Variants in HS3ST4 observed in about 807,000 individuals in gnomAD.
The protein encoded by HS3ST4 is heparan sulfate-glucosamine 3-sulfotransferase 4.
A neutral mutation model predicts 29.2 loss-of-function variants in HS3ST4; 17 were observed. That is an observed-to-expected ratio of 0.58 (90% CI 0.40 to 0.87). HS3ST4 has a LOEUF of 0.87. Ranked by LOEUF, HS3ST4 falls within the 40% of genes least tolerant of loss-of-function variation. The pLI is 0.00. For missense variants in HS3ST4, 627 were observed against 634.5 expected (o/e 0.99, Z 0.13); for synonymous variants, 314 against 285.7 (o/e 1.10, Z -1.00).
At chr16:26,038,875 G>A (rs1460716321) in intron 1 of HS3ST4, among the ~76,000 whole-genome samples, 8 of 151,936 alleles carry the variant, frequency 5.3e-5, no homozygotes, top group African/African-American at 1.9e-4. Flanking sequence ...AGTAGAGACG[G>A]GGTTTCACTG....
At chr16:25,895,337 C>CTGGGGACGACATA (rs1968049890) in intron 1 of HS3ST4, among the ~76,000 whole-genome samples, 1 of 152,120 alleles carries the variant, frequency 6.6e-6, no homozygotes, top group African/African-American at 2.4e-5. Flanking sequence ...CAATGTAGGT[C>CTGGGGACGACATA]TGGGGACGAC....
rs377053084 is a variant in HS3ST4, at chr16:25,991,477, C to T, written c.735-144135C>T. On this transcript the variant is annotated intron_variant, in intron 1 of 1. Transcript: ENST00000331351. ...AGAGTACCATTAACCCCTGAGTTGT[C>T]ATAGTCTCTTGAGGAAATAGTGAGG... 3.3e-5 allele frequency among the ~76,000 whole-genome samples: 5 copies of T among 152,260 alleles called. No individual in the cohort carries two copies. The South Asian group carries it at 8.3e-4, about 25-fold the overall frequency.
intron 1 of HS3ST4, among the ~76,000 whole-genome samples, chr16:25,715,368 G>A (rs117241568): frequency 0.05 from 7,168 of 144,770 alleles, 197 homozygotes; most frequent in Middle Eastern, 0.06. Flanking sequence ...AAAACTCAGC[G>A]CCTTTTGTGC....
At chr16:25,840,021 G>T (rs1967397329) in intron 1 of HS3ST4, among the ~76,000 whole-genome samples, 1 of 152,184 alleles carries the variant, frequency 6.6e-6, no homozygotes, top group Admixed American at 6.5e-5. Flanking sequence ...AGTCCAGAAT[G>T]ATATGGTTGA....
chr16:25,809,960 C>T (rs1286962194), intron 1 of HS3ST4, among the ~76,000 whole-genome samples: 5 of 151,628 alleles, frequency 3.3e-5, no homozygotes, highest in Non-Finnish European at 7.4e-5. Context: ...GATTTTTTTC[C>T]TGTTTTCAAT....
chr16:26,127,351 G>GA (rs1899358453), intron 1 of HS3ST4, among the ~76,000 whole-genome samples: 1 of 152,158 alleles, frequency 6.6e-6, no homozygotes, highest in Non-Finnish European at 1.5e-5. Context: ...GATGGCTCAC[G>GA]CCAGTACTCT....
At chr16:25,795,376 C>G (rs915147458) in intron 1 of HS3ST4, among the ~76,000 whole-genome samples, 1 of 152,144 alleles carries the variant, frequency 6.6e-6, no homozygotes, top group Admixed American at 6.5e-5. Context: ...TTTGTCCAAC[C>G]CACTGCTTAA....
intron 1 of HS3ST4, among the ~76,000 whole-genome samples, chr16:26,013,574 A>C (rs948807952): frequency 1.3e-5 from 2 of 152,326 alleles, no homozygotes; most frequent in South Asian, 4.1e-4. Flanking sequence ...GACTAAGCTC[A>C]TCAATTTCAT....
chr16:26,039,645 C>T (rs1288715176), intron 1 of HS3ST4, among the ~76,000 whole-genome samples: 1 of 152,042 alleles, frequency 6.6e-6, no homozygotes, highest in African/African-American at 2.4e-5. Flanking sequence ...TTATTATTGA[C>T]TAGAATCACC....
At chr16:25,910,907 G>T (rs527640960) in intron 1 of HS3ST4, among the ~76,000 whole-genome samples, 1 of 152,232 alleles carries the variant, frequency 6.6e-6, no homozygotes, top group African/African-American at 2.4e-5. Context: ...TATCCCAGGA[G>T]CTTCGTTTGA....
intron 1 of HS3ST4, among the ~76,000 whole-genome samples, chr16:26,096,320 A>G (rs1374607456): frequency 6.6e-6 from 1 of 152,234 alleles, no homozygotes; most frequent in Admixed American, 6.5e-5. Flanking sequence ...AATATCCCTG[A>G]TAAATATCAA....
chr16:26,126,050 C>T (rs1179274494), intron 1 of HS3ST4, among the ~76,000 whole-genome samples: 1 of 152,136 alleles, frequency 6.6e-6, no homozygotes, highest in Non-Finnish European at 1.5e-5. Context: ...ATTCATGTTG[C>T]TACTTTGAAC....
Position 25,860,267 on chromosome 16 carries a change from A to C in HS3ST4, c.734+167116A>C, listed in dbSNP as rs1034444467. 1.5e-4 allele frequency among the ~76,000 whole-genome samples: 23 copies of C among 152,234 alleles called. 1 individual carries two copies. The highest frequency in any genetic ancestry group is 7.9e-4 in the Admixed American group (12 of 15,278). ...CTCATTCATTGCTGGTGGGAATGCA[A>C]ATAGTACAGCCACTTTGGAAGACAG... On this transcript the variant is annotated intron_variant, in intron 1 of 1. Coordinates refer to ENST00000331351, the MANE Select transcript of HS3ST4 (RefSeq NM_006040.3).
chr16:25,973,953 G>T (rs1031981120), intron 1 of HS3ST4, among the ~76,000 whole-genome samples: 5 of 152,080 alleles, frequency 3.3e-5, no homozygotes, highest in Non-Finnish European at 5.9e-5. Context: ...CTGCAAACAA[G>T]CTATCAGAGT....
intron 1 of HS3ST4, among the ~76,000 whole-genome samples, chr16:25,863,808 C>G (rs993816158): frequency 6.6e-6 from 1 of 152,208 alleles, no homozygotes; most frequent in Non-Finnish European, 1.5e-5. Flanking sequence ...TCGTGCTACT[C>G]AAGAAGTCCA....
intron 1 of HS3ST4, among the ~76,000 whole-genome samples, chr16:25,980,785 G>A (rs936530996): frequency 3.3e-5 from 5 of 152,164 alleles, no homozygotes; most frequent in Non-Finnish European, 4.4e-5. Context: ...CCTAGACACA[G>A]GAAGCACACC....
At chr16:26,073,598 C>T (rs531400771) in intron 1 of HS3ST4, among the ~76,000 whole-genome samples, 134 of 152,302 alleles carry the variant, frequency 8.8e-4, no homozygotes, top group Non-Finnish European at 1.3e-3. Flanking sequence ...GTCTCAAACT[C>T]CTGGGCTCAA....
chr16:25,915,128 G>A (rs1968279657), intron 1 of HS3ST4, among the ~76,000 whole-genome samples: 2 of 152,092 alleles, frequency 1.3e-5, no homozygotes, highest in African/African-American at 4.8e-5. Flanking sequence ...CATGTCTGCT[G>A]GGGCACAGGA....
At chr16:25,809,640 G>GT (rs1226643973) in intron 1 of HS3ST4, among the ~76,000 whole-genome samples, 2 of 151,832 alleles carry the variant, frequency 1.3e-5, no homozygotes, top group African/African-American at 2.4e-5. Context: ...GGTCTGAAGA[G>GT]TTTTTTTTGG....
Sources: gnomAD v4.1 joint callset for allele counts (sites outside exome capture counted in the v4.1 genomes callset) on GRCh38, gnomAD v4.1.1 for gene constraint, MANE v1.5 for transcripts, NCBI Gene and HGNC (gene_info 2026-07-23, HGNC 2026-07-21) for gene names.